SYT8: variants seen among roughly 807,000 people sequenced by gnomAD.
SYT8 encodes the protein synaptotagmin-8.
Under a neutral mutation model 34.9 loss-of-function variants are expected in SYT8, and 50 were observed. The ratio of observed to expected loss-of-function variants is 1.43; its 90% CI spans 1.14 to 1.81. The LOEUF is 1.81. SYT8 is among the 40% of genes most tolerant of loss of function. The probability of loss-of-function intolerance (pLI) is 0.00; values close to 1 mark genes in which losing one functional copy is unlikely to be tolerated. For synonymous variants in SYT8, 255 were observed against 234.2 expected (o/e 1.09, Z -0.81); for missense variants, 595 against 529.0 (o/e 1.12, Z -1.22).
chr11:1,835,037 C>G lies in SYT8; in HGVS notation c.-69C>G. 1 of 1,515,668 alleles carries G rather than the reference C, an allele frequency of 6.6e-7. No homozygotes were observed. Among genetic ancestry groups the G allele is most frequent in the South Asian group, 1.1e-5 (1 of 87,938 alleles). The allele number at this position is 1,515,668 out of a possible 1,614,324, so 93.9% of individuals were successfully genotyped here. ...AGTCAGATGGGGTAGCGGGCAGGGG[C>G]CGGAGGGGCCACCCTCCCAGCTGAC... is the stretch of plus-strand genomic sequence containing the variant. On this transcript the variant is annotated 5_prime_UTR_variant, in exon 1 of 8. Coordinates refer to ENST00000341958, the MANE Select transcript of SYT8 (RefSeq NM_001394072.1).
rs1394298455 is a variant in SYT8 at position 1,837,055 on chromosome 11, G to A, written c.889G>A (p.Ala297Thr). 4 of 1,613,780 alleles carry A rather than the reference G, an allele frequency of 2.5e-6. No homozygotes were observed. The South Asian group carries it at 3.3e-5, about 13-fold the overall frequency. Residue 297 changes from alanine to threonine, a missense_variant, in exon 7 of 8, where the codon GCC (alanine) becomes ACC (threonine). Transcript: ENST00000341958. ...CACGGCGGCCCCCTACTTCAATGAG[G>A]CCTTCACCTTCCTGGTGCCCTTCAG... ...KGTAAPYFNE[A>T]FTFLVPFSQV...
In SYT8 at chr11:1,835,123, C is replaced by G; in HGVS notation, c.18C>G (p.Val6=). The G allele has an allele frequency of 6.2e-7, 1 of 1,613,290 alleles. No homozygotes were observed. Among genetic ancestry groups the G allele is most frequent in the Non-Finnish European group, 8.5e-7 (1 of 1,179,896 alleles). The stretch of plus-strand genomic sequence containing the variant: ...GTAGAAAGATGGGGCACCCACCAGT[C>G]TCTCCCAGTGCCCCGGCCCCAGCTG... MGHPP[V]SPSAPAPAGT... is the part of the protein sequence containing the mutation. The change falls in exon 1 of 8, where the codon GTC becomes GTG. Residue 6 remains valine, a synonymous_variant. Coordinates refer to ENST00000341958, the MANE Select transcript of SYT8 (RefSeq NM_001394072.1).
chr11:1,836,344 G>C, intron 4 of SYT8, 60 bp downstream of exon 4: 1 of 1,494,902 alleles, frequency 6.7e-7, no homozygotes, highest in South Asian at 1.3e-5. Context: ...GGGCTGGGTG[G>C]GCCTGGGCAG....
In SYT8 at chr11:1,835,683, G is replaced by A; in HGVS notation, c.259-203G>A. The A allele has an allele frequency of 4.1e-6, 3 of 734,698 alleles. No individual in the cohort carries two copies. The South Asian group carries it at 5.1e-5, about 12-fold the overall frequency. 45.5% of individuals were successfully genotyped at this position (734,698 alleles called of 1,614,324 possible). On this transcript the variant is annotated intron_variant, in intron 2 of 7. Coordinates refer to ENST00000341958, the MANE Select transcript of SYT8 (RefSeq NM_001394072.1). ...GAGGGAGCCACAGCGGGTTCTTGAG[G>A]AAGGCAGGGGGTACCCCAGATGCCA... is the stretch of plus-strand genomic sequence containing the variant.
Position 1,835,218 on chromosome 11 carries a change from A to G in SYT8, c.94+19A>G. On this transcript the variant is annotated intron_variant, in intron 1 of 7. Transcript: ENST00000341958. Reference sequence around the variant, plus strand: ...ACCCCCTGTGAGTTGTGGGATTCCCAAGAGGGGTGTGGGGATAACCCAGCC... The same window carrying G: ...ACCCCCTGTGAGTTGTGGGATTCCCGAGAGGGGTGTGGGGATAACCCAGCC... 6.2e-7 allele frequency: 1 copy of G among 1,612,230 alleles called. No individual in the cohort carries two copies. Among genetic ancestry groups the G allele is most frequent in the Non-Finnish European group, 8.5e-7 (1 of 1,179,378 alleles).
At chr11:1,835,530 G>C (rs534547197) in intron 2 of SYT8, 71 bp downstream of exon 2, 10 of 1,566,472 alleles carry the variant, frequency 6.4e-6, no homozygotes, top group Non-Finnish European at 8.7e-6. Context: ...CCAGGGCAGC[G>C]AGGCGAGTTC....
upstream of SYT8, chr11:1,831,925 C>T (rs942458255): frequency 5.5e-6 from 2 of 363,412 alleles, no homozygotes; most frequent in East Asian, 1.5e-4. Context: ...GGGGGGCTGC[C>T]AGCCCCAGCA....
In SYT8 at chr11:1,835,378, C is replaced by A; in HGVS notation, c.177C>A (p.Cys59Ter). 6.2e-7 allele frequency: 1 copy of A among 1,607,272 alleles called. No individual in the cohort carries two copies. Among genetic ancestry groups the A allele is most frequent in the Non-Finnish European group, 8.5e-7 (1 of 1,179,074 alleles). ...VSCLLCAACCCCRRHRKKPRD... is the reference protein window; with the variant it reads ...VSCLLCAACC ...GCCTCCTCTGTGCTGCCTGCTGCTG[C>A]TGCCGCCGCCACAGGAAGAAGCCCA... The change falls in exon 2 of 8, where the codon TGC (cysteine) becomes TGA (stop). Residue 59 changes from cysteine (C) to a stop codon, truncating the protein, a stop_gained. Transcript: ENST00000341958. LOFTEE classifies it high-confidence loss of function.
rs1565051794 is a variant in SYT8, at chr11:1,835,459, G to C, written c.258G>C (p.Leu86=). The C allele has an allele frequency of 6.2e-7, 1 of 1,609,110 alleles. No homozygotes were observed. Among genetic ancestry groups the C allele is most frequent in the Non-Finnish European group, 8.5e-7 (1 of 1,179,582 alleles). ...GSARGTTTTH[L]VQPDVDGLES... ...CCCGCGGCACCACCACCACCCACCTGGTGAGGAGCGGCTCCTTGCTCACTC... is the reference window on the plus strand; with the variant it reads ...CCCGCGGCACCACCACCACCCACCTCGTGAGGAGCGGCTCCTTGCTCACTC... Residue 86 remains leucine (L), a splice_region_variant and synonymous_variant, in exon 2 of 8, where the codon CTG becomes CTC. Coordinates refer to ENST00000341958, the MANE Select transcript of SYT8 (RefSeq NM_001394072.1).
chr11:1,835,222 G>A (rs369796588), intron 1 of SYT8, 23 bp downstream of exon 1: 1 of 1,611,710 alleles, frequency 6.2e-7, no homozygotes, highest in Non-Finnish European at 8.5e-7. Flanking sequence ...ATTCCCAAGA[G>A]GGGTGTGGGG....
At position 1,834,996 on chromosome 11, in the gene SYT8, A is replaced by G; in HGVS notation, c.-110A>G. On this transcript the variant is annotated 5_prime_UTR_variant, in exon 1 of 8. Coordinates refer to ENST00000341958, the MANE Select transcript of SYT8 (RefSeq NM_001394072.1). This position sits in a 1 kb window ranked among gnomAD's most constrained non-coding sequence, Gnocchi z 4.5. The stretch of plus-strand genomic sequence containing the variant: ...GCTGCCTCCTTGCCCTGGCAGACCC[A>G]GCACTGGCTGCTGCTAGTCAGATGG... 2 of 1,165,818 alleles carry G rather than the reference A, an allele frequency of 1.7e-6. No homozygotes were observed. The highest frequency in any genetic ancestry group is 1.3e-5 in the South Asian group (1 of 74,772). The allele number at this position is 1,165,818 out of a possible 1,614,324, so 72.2% of individuals were successfully genotyped here.
upstream of SYT8, among the ~76,000 whole-genome samples, chr11:1,833,327 A>G (rs1846737990): frequency 6.6e-6 from 1 of 152,198 alleles, no homozygotes; most frequent in Admixed American, 6.5e-5. Context: ...GGTCCCCCGA[A>G]CTCGACAAGC....
chr11:1,833,053 C>T (rs750822836), upstream of SYT8, among the ~76,000 whole-genome samples: 2 of 150,402 alleles, frequency 1.3e-5, no homozygotes, highest in African/African-American at 5.0e-5. Context: ...TGTATACAGG[C>T]TCTGACATTT....
chr11:1,837,249 G>T lies in SYT8; in HGVS notation c.982G>T (p.Val328Leu), dbSNP rs138799724. The change falls in exon 8 of 8, where the codon GTA becomes TTA. Residue 328 changes from valine (V) to leucine (L), a missense_variant. Transcript: ENST00000341958. ...CAGCCTGCCGCTCCGAACTGAGCCC[G>T]TAGGCAAGGTGCACCTGGGTGCCCG... ...DRSLPLRTEP[V>L]GKVHLGARAS... 6.3e-7 allele frequency: 1 copy of T among 1,582,348 alleles called. No homozygotes were observed. The highest frequency in any genetic ancestry group is 8.6e-7 in the Non-Finnish European group (1 of 1,167,406).
At chr11:1,832,932 C>T (rs956167254), upstream of SYT8, among the ~76,000 whole-genome samples, 2 of 152,158 alleles carry the variant, frequency 1.3e-5, no homozygotes, top group African/African-American at 4.8e-5. Flanking sequence ...GAGGGGCGCA[C>T]GCACACGCAC....
Position 1,836,980 on chromosome 11 carries a change from A to T in SYT8, c.814A>T (p.Met272Leu). ...AGAGCCCTACGTGAAGGTCCAGCTC[A>T]TGCTGAACCAGAGGAAGTGGAAGAA... ...LAEPYVKVQLMLNQRKWKKRK... is the reference protein window; with the variant it reads ...LAEPYVKVQLLLNQRKWKKRK... Residue 272 changes from methionine to leucine, a missense_variant, in exon 7 of 8, where the codon ATG becomes TTG. By Grantham distance (15) the Met-to-Leu change is conservative. Coordinates refer to ENST00000341958, the MANE Select transcript of SYT8 (RefSeq NM_001394072.1). 1.2e-6 allele frequency: 2 copies of T among 1,613,732 alleles called. No individual in the cohort carries two copies. The highest frequency in any genetic ancestry group is 1.7e-6 in the Non-Finnish European group (2 of 1,180,002).
chr11:1,837,035 C>T lies in SYT8; in HGVS notation c.869C>T (p.Ala290Val), dbSNP rs769119263. Residue 290 changes from alanine (A) to valine (V), a missense_variant, in exon 7 of 8, where the codon GCG becomes GTG. Transcript: ENST00000341958. ...AAGACAGCCACCAAAAAGGGCACGG[C>T]GGCCCCCTACTTCAATGAGGCCTTC... is the stretch of plus-strand genomic sequence containing the variant. ...KRKTATKKGTAAPYFNEAFTF... is the reference protein window; with the variant it reads ...KRKTATKKGTVAPYFNEAFTF... 8.7e-6 allele frequency: 14 copies of T among 1,613,688 alleles called. No homozygotes were observed. Among genetic ancestry groups the T allele is most frequent in the South Asian group, 3.3e-5 (3 of 91,096 alleles).
upstream of SYT8, chr11:1,834,823 G>GC: frequency 1.5e-6 from 1 of 648,320 alleles, no homozygotes. The surrounding 1 kb of genome is among the most constrained non-coding windows in gnomAD (Gnocchi z 4.5). Flanking sequence ...GGCTGCCCAG[G>GC]CCCTGCCTGC....
chr11:1,835,442 A>T lies in SYT8; in HGVS notation c.241A>T (p.Thr81Ser). The change falls in exon 2 of 8, where the codon ACC becomes TCC. Residue 81 changes from threonine (T) to serine (S), a missense_variant. Transcript: ENST00000341958. ...CGTGGGTCTGGGCAGTGCCCGCGGC[A>T]CCACCACCACCCACCTGGTGAGGAG... ...ESVGLGSARG[T>S]TTTHLVQPDV... 6.2e-7 allele frequency: 1 copy of T among 1,609,022 alleles called. No individual in the cohort carries two copies. The highest frequency in any genetic ancestry group is 8.5e-7 in the Non-Finnish European group (1 of 1,179,370).
Sources: gnomAD v4.1 joint callset for allele counts (sites outside exome capture counted in the v4.1 genomes callset) on GRCh38, gnomAD v4.1.1 for gene constraint, Gnocchi (gnomAD v3.1) non-coding constraint, MANE v1.5 for transcripts, NCBI Gene and HGNC (gene_info 2026-07-23, HGNC 2026-07-21) for gene names.